The following GPC5 variants were observed in gnomAD, a reference collection of about 807,000 sequenced individuals.
GPC5 encodes the protein glypican 5.
In GPC5, 47 loss-of-function variants were observed where a neutral mutation model predicts 53.9. The ratio of observed to expected loss-of-function variants is 0.87; its 90% confidence interval spans 0.69 to 1.11. The LOEUF is 1.11. Among genes scored for constraint, GPC5 ranks in the 50% most tolerant of loss-of-function variants. The pLI, the probability that GPC5 is intolerant of heterozygous loss-of-function variation, is 0.00. For missense variants in GPC5, 748 were observed against 713.1 expected (o/e 1.05, Z -0.56); for synonymous variants, 286 against 263.3 (o/e 1.09, Z -0.84).
chr13:91,972,166 T>C (rs1242270778), intron 6 of GPC5, among the ~76,000 whole-genome samples: 3 of 152,198 alleles, frequency 2.0e-5, no homozygotes, highest in African/African-American at 7.2e-5. Context: ...TGGGTGCATA[T>C]ATATTTAGGA....
chr13:92,575,933 C>G (rs1049954976), intron 7 of GPC5, among the ~76,000 whole-genome samples: 1 of 152,110 alleles, frequency 6.6e-6, no homozygotes, highest in Non-Finnish European at 1.5e-5. Context: ...TCCGCAGATG[C>G]AATGGCATCA....
chr13:91,602,639 T>C lies in GPC5; in HGVS notation c.326-90548T>C, dbSNP rs533712036. Among the ~76,000 whole-genome samples, 8 of 152,328 alleles carry C rather than the reference T, an allele frequency of 5.3e-5. No homozygotes were observed. The East Asian group carries it at 7.7e-4, about 15-fold the overall frequency. ...GATCAGTATGCAGATCACAAAAAGATTGACAGTCTTAACGTGATTGATGAT... is the reference window on the plus strand; with the variant it reads ...GATCAGTATGCAGATCACAAAAAGACTGACAGTCTTAACGTGATTGATGAT... On this transcript the variant is annotated intron_variant, in intron 2 of 7. Transcript: ENST00000377067.
At chr13:92,018,184 A>T (rs952942867) in intron 6 of GPC5, among the ~76,000 whole-genome samples, 2 of 152,124 alleles carry the variant, frequency 1.3e-5, no homozygotes, top group African/African-American at 4.8e-5. Flanking sequence ...AATGCCTACC[A>T]AAGGTAGGCA....
At chr13:92,612,024 C>G (rs1026765951) in intron 7 of GPC5, among the ~76,000 whole-genome samples, 1 of 151,988 alleles carries the variant, frequency 6.6e-6, no homozygotes, top group Non-Finnish European at 1.5e-5. Flanking sequence ...TAAAAATGAA[C>G]TCTCTTACTA....
intron 6 of GPC5, among the ~76,000 whole-genome samples, chr13:92,094,375 C>G (rs1324748189): frequency 6.6e-6 from 1 of 151,722 alleles, no homozygotes; most frequent in Non-Finnish European, 1.5e-5. Context: ...ACAAAATTAG[C>G]CAGGTGTGGT....
intron 7 of GPC5, among the ~76,000 whole-genome samples, chr13:92,213,746 T>C (rs2139077812): frequency 6.6e-6 from 1 of 152,234 alleles, no homozygotes; most frequent in South Asian, 2.1e-4. Flanking sequence ...AACTCCTAAA[T>C]AGTTTAAGTC....
At chr13:91,904,610 T>A (rs1378905194) in intron 5 of GPC5, among the ~76,000 whole-genome samples, 2 of 151,912 alleles carry the variant, frequency 1.3e-5, no homozygotes, top group Non-Finnish European at 2.9e-5. Context: ...AGCTGTAGAA[T>A]GGGAGTAATT....
chr13:91,627,949 C>G (rs1285698162), intron 2 of GPC5, among the ~76,000 whole-genome samples: 1 of 152,064 alleles, frequency 6.6e-6, no homozygotes, highest in African/African-American at 2.4e-5. Context: ...ATAAGGGAAA[C>G]TGTTTGTTCC....
chr13:91,897,008 C>T (rs1468403778), intron 5 of GPC5, among the ~76,000 whole-genome samples: 1 of 101,190 alleles, frequency 9.9e-6, no homozygotes, highest in Admixed American at 1.0e-4. Flanking sequence ...TTTCCCAACT[C>T]CTCCTCTTCC....
intron 2 of GPC5, among the ~76,000 whole-genome samples, chr13:91,534,462 A>C (rs1347315397): frequency 6.6e-6 from 1 of 152,250 alleles, no homozygotes; most frequent in South Asian, 2.1e-4. Flanking sequence ...AATACTATGC[A>C]TGCATTTAGA....
intron 6 of GPC5, among the ~76,000 whole-genome samples, chr13:92,133,116 C>A (rs937926182): frequency 6.6e-6 from 1 of 151,996 alleles, no homozygotes; most frequent in Non-Finnish European, 1.5e-5. Context: ...ACCCACCTAC[C>A]CCCTTTCCAA....
At chr13:91,681,708 C>T (rs1344615579) in intron 2 of GPC5, among the ~76,000 whole-genome samples, 1 of 152,108 alleles carries the variant, frequency 6.6e-6, no homozygotes, top group Non-Finnish European at 1.5e-5. Flanking sequence ...ATCTTTCTTT[C>T]CCAGAGATTA....
At chr13:91,552,537 C>G (rs1332036151) in intron 2 of GPC5, among the ~76,000 whole-genome samples, 2 of 152,014 alleles carry the variant, frequency 1.3e-5, no homozygotes, top group African/African-American at 4.8e-5. Context: ...CAGTCATTAG[C>G]ATTGTTTCTA....
chr13:92,374,435 A>G (rs2043675874), intron 7 of GPC5, among the ~76,000 whole-genome samples: 1 of 152,144 alleles, frequency 6.6e-6, no homozygotes, highest in Admixed American at 6.5e-5. Flanking sequence ...ACTCTAGTTA[A>G]TAAGATATAT....
At chr13:91,580,805 T>G (rs1352668124) in intron 2 of GPC5, among the ~76,000 whole-genome samples, 3 of 152,228 alleles carry the variant, frequency 2.0e-5, no homozygotes, top group Non-Finnish European at 4.4e-5. Flanking sequence ...TTTGCCCATA[T>G]TCATATATTC....
At chr13:91,945,312 T>TC (rs1370978567) in intron 6 of GPC5, among the ~76,000 whole-genome samples, 1 of 152,224 alleles carries the variant, frequency 6.6e-6, no homozygotes, top group Non-Finnish European at 1.5e-5. Flanking sequence ...TGTTTTTAAA[T>TC]CCCATTTCTT....
At chr13:92,255,572 A>G (rs930679728) in intron 7 of GPC5, among the ~76,000 whole-genome samples, 1 of 152,182 alleles carries the variant, frequency 6.6e-6, no homozygotes, top group Non-Finnish European at 1.5e-5. Context: ...TAATAAGAAT[A>G]TATGAACTTA....
At chr13:92,030,727 T>G (rs527521311) in intron 6 of GPC5, among the ~76,000 whole-genome samples, 1 of 152,286 alleles carries the variant, frequency 6.6e-6, no homozygotes, top group South Asian at 2.1e-4. Context: ...GCCCGTCTAC[T>G]GGGACAAGTG....
In GPC5 at chr13:92,003,553, T is replaced by TTCAA. The variant is rs2040576614; in HGVS notation, c.1401+95496_1401+95497insTCAA. Among the ~76,000 whole-genome samples the TTCAA allele has an allele frequency of 2.0e-5, 3 of 152,246 alleles. No homozygotes were observed. The South Asian group carries it at 6.2e-4, about 32-fold the overall frequency. The stretch of plus-strand genomic sequence containing the variant: ...AACCCAAATATAACATTTAACAGAT[T>TTCAA]ATAGGATGTCAGTATTTCAAATCTA... On this transcript the variant is annotated intron_variant, in intron 6 of 7. Coordinates refer to ENST00000377067, the MANE Select transcript of GPC5 (RefSeq NM_004466.6).
Sources: gnomAD v4.1 joint callset for allele counts (sites outside exome capture counted in the v4.1 genomes callset) on GRCh38, gnomAD v4.1.1 for gene constraint, MANE v1.5 for transcripts, NCBI Gene and HGNC (gene_info 2026-07-23, HGNC 2026-07-21) for gene names.